NCOA7: variants seen among roughly 807,000 people sequenced by gnomAD.
The protein encoded by NCOA7 is 140 kDa estrogen receptor-associated protein.
In NCOA7, 45 loss-of-function variants were observed where a neutral mutation model predicts 104.3. The ratio of observed to expected loss-of-function variants is 0.43; its 90% CI spans 0.34 to 0.55. NCOA7 has a LOEUF of 0.55. Among genes scored for constraint, NCOA7 ranks in the 20% least tolerant of loss-of-function variants. The pLI is 0.02. For missense variants in NCOA7, 1,041 were observed against 1,119.7 expected (o/e 0.93, Z 1.00); for synonymous variants, 398 against 402.3 (o/e 0.99, Z 0.13).
Position 125,877,410 on chromosome 6 carries a change from A to G in NCOA7, c.352-853A>G, listed in dbSNP as rs547466401. Among the ~76,000 whole-genome samples the G allele has an allele frequency of 1.7e-3, 252 of 152,272 alleles. 3 individuals are homozygous for G. The highest frequency in any genetic ancestry group is 5.8e-3 in the African/African-American group (239 of 41,562). On this transcript the variant is annotated intron_variant, in intron 4 of 15. Transcript: ENST00000392477. The stretch of plus-strand genomic sequence containing the variant: ...ATACCAGTCTTGACCCAGGGCTATC[A>G]ATTGGAACTTCTCAGTGACATTCAT...
intron 3 of NCOA7, among the ~76,000 whole-genome samples, chr6:125,860,370 CAG>C (rs1471804499): frequency 6.6e-6 from 1 of 152,078 alleles, no homozygotes; most frequent in Non-Finnish European, 1.5e-5. Flanking sequence ...TTTGTTGAGA[CAG>C]AGTCTTGCTC....
At position 125,847,477 on chromosome 6, in the gene NCOA7, G is replaced by A. The variant is rs188816749; in HGVS notation, c.51-7543G>A. ...GTATTTACGTCTTTTTCAAAAGTGT[G>A]CATTTTTCAAAAACACATGGATCCC... On this transcript the variant is annotated intron_variant, in intron 2 of 15. Coordinates refer to ENST00000392477, the MANE Select transcript of NCOA7 (RefSeq NM_181782.5). 3.2e-3 allele frequency among the ~76,000 whole-genome samples: 490 copies of A among 152,306 alleles called. 6 individuals are homozygous for A. The highest frequency in any genetic ancestry group is 0.029 in the Admixed American group (445 of 15,292).
chr6:125,920,797 C>T, intron 11 of NCOA7, 146 bp from the exon 12 acceptor site: 1 of 924,830 alleles, frequency 1.1e-6, no homozygotes, highest in Non-Finnish European at 1.5e-6. Context: ...GAAAAATTAG[C>T]CATTTCCCCA....
At chr6:125,925,137 G>A (rs997129558) in intron 13 of NCOA7, among the ~76,000 whole-genome samples, 2 of 152,184 alleles carry the variant, frequency 1.3e-5, no homozygotes, top group African/African-American at 4.8e-5. Context: ...TAGCTTCAGA[G>A]CAGTGGGTTA....
intron 1 of NCOA7, among the ~76,000 whole-genome samples, chr6:125,791,446 C>T (rs1184417615): frequency 6.6e-6 from 1 of 152,222 alleles, no homozygotes; most frequent in Non-Finnish European, 1.5e-5. Context: ...TTAGCAGATG[C>T]GTTCTTCCCA....
chr6:125,794,257 A>G (rs180919990), intron 1 of NCOA7, among the ~76,000 whole-genome samples: 9 of 152,326 alleles, frequency 5.9e-5, no homozygotes, highest in Non-Finnish European at 7.4e-5. Context: ...GAAAAGCTTT[A>G]CTTACCCTGA....
intron 11 of NCOA7, 58 bp downstream of exon 11, chr6:125,915,538 G>T: frequency 6.3e-7 from 1 of 1,596,138 alleles, no homozygotes; most frequent in Non-Finnish European, 8.6e-7. Context: ...AAGCAGTCTC[G>T]CATTCAGATT....
chr6:125,786,654 G>A (rs554222559), upstream of NCOA7, among the ~76,000 whole-genome samples: 32 of 147,588 alleles, frequency 2.2e-4, 1 homozygote, highest in Admixed American at 9.6e-4. Flanking sequence ...TGAGCGCAGC[G>A]CAACCTCTCC....
intron 1 of NCOA7, among the ~76,000 whole-genome samples, chr6:125,796,087 G>A (rs1178643051): frequency 6.6e-6 from 1 of 151,930 alleles, no homozygotes; most frequent in Non-Finnish European, 1.5e-5. Flanking sequence ...ATCTCTAGGG[G>A]CCTTTCTTCC....
Position 125,796,035 on chromosome 6 carries a change from C to G in NCOA7, c.-65+4968C>G, listed in dbSNP as rs1775292157. On this transcript the variant is annotated intron_variant, in intron 1 of 15. Transcript: ENST00000392477. ...TGCTGTTCCCTCTGCTTGGAACATG[C>G]TGTCCAATTTTCATGAGCAAGCCAC... is the stretch of plus-strand genomic sequence containing the variant. 2.0e-5 allele frequency among the ~76,000 whole-genome samples: 3 copies of G among 152,102 alleles called. No individual in the cohort carries two copies. In the South Asian group the frequency reaches 6.2e-4, roughly 32 times the overall value.
At chr6:125,785,480 T>A (rs1318582593) in intron 1 of NCOA7, among the ~76,000 whole-genome samples, 2 of 152,318 alleles carry the variant, frequency 1.3e-5, no homozygotes, top group African/African-American at 4.8e-5. Context: ...CCCTGTACAT[T>A]TTTTACAACT....
chr6:125,830,761 A>ATGTGTG lies in NCOA7; in HGVS notation c.50+15373_50+15378dup, dbSNP rs59933115. ...TATGTGTGTGTGTGTGTGTGTGTGT[A>ATGTGTG]TGTGTGTGTGTGTGTGTGTGTATAG... On this transcript the variant is annotated intron_variant, in intron 2 of 15. Transcript: ENST00000392477. 4.1e-3 allele frequency among the ~76,000 whole-genome samples: 594 copies of ATGTGTG among 144,076 alleles called. 6 individuals are homozygous for ATGTGTG. The highest frequency in any genetic ancestry group is 0.013 in the African/African-American group (512 of 38,732). The allele number at this position is 144,076 out of a possible 152,430, so 94.5% of individuals were successfully genotyped here.
intron 1 of NCOA7, chr6:125,809,999 A>G (rs1776822631): frequency 6.6e-6 from 1 of 152,164 alleles, no homozygotes; most frequent in South Asian, 2.1e-4. Flanking sequence ...CAACAGCACT[A>G]GCTGTGGTAC....
chr6:125,848,741 A>G (rs1780852487), intron 2 of NCOA7, among the ~76,000 whole-genome samples: 1 of 152,210 alleles, frequency 6.6e-6, no homozygotes, highest in Non-Finnish European at 1.5e-5. Flanking sequence ...TGGCACATGT[A>G]TACTTATGTA....
At chr6:125,893,681 G>A (rs548179859) in intron 10 of NCOA7, among the ~76,000 whole-genome samples, 1 of 152,068 alleles carries the variant, frequency 6.6e-6, no homozygotes, top group Non-Finnish European at 1.5e-5. Flanking sequence ...GTTTTGGGTA[G>A]GTGTTTTTTT....
intron 10 of NCOA7, among the ~76,000 whole-genome samples, chr6:125,893,636 A>T (rs1784784735): frequency 6.6e-6 from 1 of 152,172 alleles, no homozygotes; most frequent in African/African-American, 2.4e-5. Flanking sequence ...GACAGCAACG[A>T]TGGAAACCTT....
chr6:125,857,517 C>T (rs891084792), intron 3 of NCOA7, among the ~76,000 whole-genome samples: 4 of 151,810 alleles, frequency 2.6e-5, no homozygotes, highest in Non-Finnish European at 4.4e-5. Flanking sequence ...AGCAGTCTTC[C>T]GGCCTCGAAG....
chr6:125,858,723 G>C (rs1767015972), intron 3 of NCOA7, among the ~76,000 whole-genome samples: 1 of 152,042 alleles, frequency 6.6e-6, no homozygotes, highest in South Asian at 2.1e-4. Flanking sequence ...ATTTCCTCAG[G>C]AGAAGCCAGT....
chr6:125,795,494 A>G (rs1005399162), intron 1 of NCOA7, among the ~76,000 whole-genome samples: 2 of 152,134 alleles, frequency 1.3e-5, no homozygotes, highest in African/African-American at 2.4e-5. Flanking sequence ...GTGACATTTT[A>G]TGCATATGCA....
Sources: gnomAD v4.1 joint callset for allele counts (sites outside exome capture counted in the v4.1 genomes callset) on GRCh38, gnomAD v4.1.1 for gene constraint, MANE v1.5 for transcripts, NCBI Gene and HGNC (gene_info 2026-07-23, HGNC 2026-07-21) for gene names.